The following PDZD2 variants were observed in gnomAD, a reference collection of about 807,000 sequenced individuals.
PDZD2 encodes PDZ domain-containing protein 2.
In PDZD2, 90 loss-of-function variants were observed where a neutral mutation model predicts 220.7. The ratio of observed to expected loss-of-function variants is 0.41; its 90% CI spans 0.34 to 0.49. PDZD2 has a LOEUF of 0.49. Ranked by LOEUF, PDZD2 falls within the 20% of genes least tolerant of loss-of-function variation. The pLI, the probability that PDZD2 is intolerant of heterozygous loss-of-function variation, is 0.28. For missense variants in PDZD2, 3,174 were observed against 3,608.5 expected (o/e 0.88, Z 3.08); for synonymous variants, 1,375 against 1,450.5 (o/e 0.95, Z 1.18).
At chr5:31,712,559 G>A (rs566336188) in intron 1 of PDZD2, among the ~76,000 whole-genome samples, 2 of 151,936 alleles carry the variant, frequency 1.3e-5, no homozygotes, top group Middle Eastern at 3.2e-3. Context: ...CTTGAGTGGG[G>A]TCACTAGATT....
At chr5:31,889,934 ATTGC>A (rs1740856524) in intron 2 of PDZD2, among the ~76,000 whole-genome samples, 1 of 151,878 alleles carries the variant, frequency 6.6e-6, no homozygotes, top group South Asian at 2.1e-4. Context: ...AGGCAGGAGA[ATTGC>A]TTGAACCCGG....
chr5:32,022,988 A>T (rs1754343089), intron 6 of PDZD2, among the ~76,000 whole-genome samples: 1 of 152,156 alleles, frequency 6.6e-6, no homozygotes, highest in South Asian at 2.1e-4. Flanking sequence ...TTGAGAGGTA[A>T]CCAGAGCCTG....
rs182029016 is a variant in PDZD2, at chr5:31,667,064, G to A, written c.-361+27627G>A. On this transcript the variant is annotated intron_variant, in intron 1 of 24. Coordinates refer to ENST00000438447, the MANE Select transcript of PDZD2 (RefSeq NM_178140.4). ...ATCCTGGCTAACACGGTGAAACCCC[G>A]TCTCTACTAAAAATACAAAAAACTA... Among the ~76,000 whole-genome samples the A allele has an allele frequency of 2.5e-4, 38 of 151,906 alleles. No homozygotes were observed. The East Asian group carries it at 6.2e-3, about 25-fold the overall frequency.
At chr5:32,041,905 AAGC>A (rs1392431542) in intron 7 of PDZD2, among the ~76,000 whole-genome samples, 1 of 114,918 alleles carries the variant, frequency 8.7e-6, no homozygotes, top group African/African-American at 3.1e-5. Flanking sequence ...TTGAAAAAGA[AAGC>A]AAAAAAAAAA....
At chr5:31,798,344 G>A (rs543959080) in intron 1 of PDZD2, among the ~76,000 whole-genome samples, 4 of 152,312 alleles carry the variant, frequency 2.6e-5, no homozygotes, top group South Asian at 4.1e-4. Flanking sequence ...ACAGGATGGC[G>A]AAGTTTAGGA....
Position 31,726,897 on chromosome 5 carries a change from G to A in PDZD2, c.-360-71992G>A, listed in dbSNP as rs115236403. ...GGTTTAATTGCCTTGTAGTTCTGCA[G>A]GCTTTACAGGAAGCATGGTGCCAAC... On this transcript the variant is annotated intron_variant, in intron 1 of 24. Transcript: ENST00000438447. 4.8e-3 allele frequency among the ~76,000 whole-genome samples: 732 copies of A among 152,316 alleles called. 7 individuals are homozygous for A. The highest frequency in any genetic ancestry group is 0.017 in the African/African-American group (709 of 41,568).
At chr5:32,102,643 A>G (rs1744362503) in intron 24 of PDZD2, among the ~76,000 whole-genome samples, 1 of 152,148 alleles carries the variant, frequency 6.6e-6, no homozygotes, top group South Asian at 2.1e-4. Flanking sequence ...CCCTCACAAC[A>G]GAAAGCTCTC....
intron 2 of PDZD2, among the ~76,000 whole-genome samples, chr5:31,905,276 A>C (rs1742541649): frequency 6.6e-6 from 1 of 152,040 alleles, no homozygotes; most frequent in Non-Finnish European, 1.5e-5. Context: ...GAGCCACCGC[A>C]CTTGGCCAAA....
intron 14 of PDZD2, among the ~76,000 whole-genome samples, chr5:32,065,946 C>T (rs1157641549): frequency 6.6e-6 from 1 of 151,882 alleles, no homozygotes; most frequent in Non-Finnish European, 1.5e-5. Flanking sequence ...ATCGCTTGAA[C>T]CTGGGAGGCG....
intron 1 of PDZD2, among the ~76,000 whole-genome samples, chr5:31,706,293 G>C (rs915794996): frequency 1.3e-5 from 2 of 152,178 alleles, no homozygotes; most frequent in African/African-American, 4.8e-5. Context: ...TGGAGTAATA[G>C]GTTCAGCAAA....
chr5:31,694,149 G>A (rs1311475904), intron 1 of PDZD2, among the ~76,000 whole-genome samples: 1 of 152,202 alleles, frequency 6.6e-6, no homozygotes, highest in African/African-American at 2.4e-5. Flanking sequence ...CCAGCACTTT[G>A]GGAGGCCATG....
intron 2 of PDZD2, among the ~76,000 whole-genome samples, chr5:31,853,575 G>T (rs2150301485): frequency 6.6e-6 from 1 of 152,338 alleles, no homozygotes; most frequent in East Asian, 1.9e-4. Context: ...TCCAGCCCAG[G>T]CTTGACATGG....
At chr5:31,945,375 G>A (rs548110996) in intron 2 of PDZD2, among the ~76,000 whole-genome samples, 1 of 152,298 alleles carries the variant, frequency 6.6e-6, no homozygotes, top group African/African-American at 2.4e-5. Flanking sequence ...CCAGGTTATT[G>A]ATTCCTAGTG....
intron 2 of PDZD2, among the ~76,000 whole-genome samples, chr5:31,879,842 C>T (rs1260191922): frequency 6.6e-6 from 1 of 150,872 alleles, no homozygotes; most frequent in Non-Finnish European, 1.5e-5. Flanking sequence ...CCAAACTGAC[C>T]TGTGATTTAA....
At chr5:31,698,512 T>C (rs1370036055) in intron 1 of PDZD2, among the ~76,000 whole-genome samples, 1 of 146,844 alleles carries the variant, frequency 6.8e-6, no homozygotes, top group Non-Finnish European at 1.5e-5. Flanking sequence ...GGCAGGAGAA[T>C]GGCGGGAACC....
In PDZD2 at chr5:32,008,404, C is replaced by G. The variant is rs188114066; in HGVS notation, c.1255-1926C>G. On this transcript the variant is annotated intron_variant, in intron 5 of 24. Coordinates refer to ENST00000438447, the MANE Select transcript of PDZD2 (RefSeq NM_178140.4). ...CGAGGGATTCTTGTGCCTCAGTCCC[C>G]CAAGTAGCTGGGATTACAGTTGCCC... 5.8e-3 allele frequency among the ~76,000 whole-genome samples: 881 copies of G among 151,928 alleles called. 4 individuals carry two copies. Among genetic ancestry groups the G allele is most frequent in the Non-Finnish European group, 9.6e-3 (653 of 67,944 alleles).
At chr5:32,069,749 T>C in intron 15 of PDZD2, 99 bp downstream of exon 15, 1 of 685,894 alleles carries the variant, frequency 1.5e-6, no homozygotes. Flanking sequence ...TTCTTGGTAA[T>C]TATCAGGTTT....
At chr5:31,899,517 T>G (rs7713597) in intron 2 of PDZD2, among the ~76,000 whole-genome samples, 90,860 of 152,064 alleles carry the variant, frequency 0.6, 28,555 homozygotes, top group Middle Eastern at 0.73. Flanking sequence ...ACAGTCTCAG[T>G]ATTGGCACCT....
At chr5:31,722,686 GT>G (rs1186196128) in intron 1 of PDZD2, among the ~76,000 whole-genome samples, 3 of 146,190 alleles carry the variant, frequency 2.1e-5, no homozygotes, top group African/African-American at 7.7e-5. Flanking sequence ...TTTGTGGGTT[GT>G]TTTTTTGTTG....
Sources: gnomAD v4.1 joint callset for allele counts (sites outside exome capture counted in the v4.1 genomes callset) on GRCh38, gnomAD v4.1.1 for gene constraint, MANE v1.5 for transcripts, NCBI Gene and HGNC (gene_info 2026-07-23, HGNC 2026-07-21) for gene names.